The following SUMF1 variants were observed in gnomAD, a reference collection of about 807,000 sequenced individuals.
SUMF1 encodes formylglycine-generating enzyme.
Under a neutral mutation model 47.6 loss-of-function variants are expected in SUMF1, and 48 were observed. The observed-to-expected ratio is 1.01, with a 90% CI of 0.80 to 1.28. SUMF1 has a LOEUF of 1.28. Among genes scored for constraint, SUMF1 ranks in the 50% most tolerant of loss-of-function variants. The pLI is 0.00. For missense variants in SUMF1, 571 were observed against 485.4 expected (o/e 1.18, Z -1.66); for synonymous variants, 230 against 192.1 (o/e 1.20, Z -1.63).
At chr3:4,056,328 A>C (rs1390312322) in intron 9 of SUMF1, among the ~76,000 whole-genome samples, 1 of 152,168 alleles carries the variant, frequency 6.6e-6, no homozygotes, top group Non-Finnish European at 1.5e-5. Flanking sequence ...ACAGAAACTA[A>C]AAAGGTTCAT....
chr3:4,091,577 C>T (rs1400288422), intron 8 of SUMF1, among the ~76,000 whole-genome samples: 1 of 152,088 alleles, frequency 6.6e-6, no homozygotes, highest in African/African-American at 2.4e-5. Flanking sequence ...TGACAAAAAA[C>T]CTGTTGCAGC....
chr3:4,345,605 A>G (rs1699358089), intron 8 of SUMF1, among the ~76,000 whole-genome samples: 1 of 152,188 alleles, frequency 6.6e-6, no homozygotes, highest in African/African-American at 2.4e-5. Context: ...GACCAATGAC[A>G]CTACGAAGAA....
At chr3:4,374,716 TG>T (rs1700269776) in intron 8 of SUMF1, among the ~76,000 whole-genome samples, 1 of 152,174 alleles carries the variant, frequency 6.6e-6, no homozygotes, top group African/African-American at 2.4e-5. Flanking sequence ...CTGTTTTCCA[TG>T]GAAGTCTGGT....
chr3:4,199,201 T>C (rs1695491305), intron 8 of SUMF1, among the ~76,000 whole-genome samples: 1 of 152,164 alleles, frequency 6.6e-6, no homozygotes, highest in South Asian at 2.1e-4. Flanking sequence ...TCTGTCTCTA[T>C]AGTTCTGTCT....
At chr3:4,119,127 T>C (rs1174882843) in intron 8 of SUMF1, among the ~76,000 whole-genome samples, 2 of 152,086 alleles carry the variant, frequency 1.3e-5, no homozygotes, top group African/African-American at 2.4e-5. Flanking sequence ...CTAACAACCA[T>C]AAGGTCACTC....
Position 4,184,930 on chromosome 3 carries a change from G to C in SUMF1, c.1015-116185C>G, listed in dbSNP as rs139290711. On this transcript the variant is annotated intron_variant and NMD_transcript_variant, in intron 8 of 12. Coordinates refer to the SUMF1 transcript ENST00000448413. ...CTCCCAAAGAGCTAGGATTACAGGC[G>C]TGAGCCACCGCACCTGGCCTCCATA... 3.4e-3 allele frequency among the ~76,000 whole-genome samples: 513 copies of C among 152,126 alleles called. 4 individuals are homozygous for C. Among genetic ancestry groups the C allele is most frequent in the African/African-American group, 0.012 (481 of 41,520 alleles).
At chr3:4,090,890 G>T (rs1186434552) in intron 8 of SUMF1, among the ~76,000 whole-genome samples, 1 of 151,896 alleles carries the variant, frequency 6.6e-6, no homozygotes, top group Non-Finnish European at 1.5e-5. Flanking sequence ...TCCCATCCTG[G>T]CTAACACGGT....
chr3:4,201,038 GTA>G (rs1193513012), intron 8 of SUMF1, among the ~76,000 whole-genome samples: 1 of 151,702 alleles, frequency 6.6e-6, no homozygotes, highest in Non-Finnish European at 1.5e-5. Flanking sequence ...TATTTATAAG[GTA>G]TATGAGATAT....
chr3:4,401,480 C>A (rs1368167089), intron 7 of SUMF1, among the ~76,000 whole-genome samples: 1 of 152,092 alleles, frequency 6.6e-6, no homozygotes, highest in African/African-American at 2.4e-5. Context: ...GCTGCAGCCT[C>A]CATCACTGCC....
intron 8 of SUMF1, among the ~76,000 whole-genome samples, chr3:4,301,424 A>G (rs1697962412): frequency 6.6e-6 from 1 of 152,244 alleles, no homozygotes; most frequent in South Asian, 2.1e-4. Context: ...GAATCTAAGC[A>G]GCAAAATATA....
intron 8 of SUMF1, among the ~76,000 whole-genome samples, chr3:4,276,460 C>G (rs1221217605): frequency 6.6e-6 from 1 of 152,110 alleles, no homozygotes; most frequent in Non-Finnish European, 1.5e-5. Context: ...GTAGAAGTAG[C>G]CTTGTTTCCA....
At chr3:4,250,060 TG>T (rs1204961528) in intron 8 of SUMF1, among the ~76,000 whole-genome samples, 4 of 151,984 alleles carry the variant, frequency 2.6e-5, no homozygotes, top group African/African-American at 9.7e-5. Context: ...GGCACACACC[TG>T]TAATCCCAAC....
intron 3 of SUMF1, among the ~76,000 whole-genome samples, chr3:4,446,857 A>G (rs184577755): frequency 6.6e-5 from 10 of 152,366 alleles, no homozygotes; most frequent in Admixed American, 4.6e-4. Flanking sequence ...AGGGGAAGCA[A>G]CACAATGAAA....
intron 8 of SUMF1, among the ~76,000 whole-genome samples, chr3:4,088,254 C>A (rs571497539): frequency 6.6e-6 from 1 of 152,072 alleles, no homozygotes; most frequent in Non-Finnish European, 1.5e-5. Flanking sequence ...TCAGGTAAGA[C>A]CAGTCTGCTT....
Position 4,361,963 on chromosome 3 carries a change from C to A in SUMF1, c.*181G>T, listed in dbSNP as rs939342600. On this transcript the variant is annotated 3_prime_UTR_variant, in exon 9 of 9. Transcript: ENST00000272902. ...TCCAAAGATGCACCACACCATAAAG[C>A]ACATGCACTGACCCAGGTCAGCAAT... is the stretch of plus-strand genomic sequence containing the variant. 3 of 621,222 alleles carry A rather than the reference C, an allele frequency of 4.8e-6. No homozygotes were observed. Among genetic ancestry groups the A allele is most frequent in the Middle Eastern group, 4.3e-4 (1 of 2,324 alleles). 38.5% of individuals were successfully genotyped at this position (621,222 alleles called of 1,614,324 possible).
intron 8 of SUMF1, among the ~76,000 whole-genome samples, chr3:4,318,835 G>A (rs1194499257): frequency 6.7e-6 from 1 of 148,842 alleles, no homozygotes; most frequent in Non-Finnish European, 1.5e-5. Flanking sequence ...TTGAACCTGG[G>A]GTGGAGGTTA....
chr3:4,079,281 T>C (rs1692507139), intron 8 of SUMF1, among the ~76,000 whole-genome samples: 1 of 152,100 alleles, frequency 6.6e-6, no homozygotes, highest in Non-Finnish European at 1.5e-5. Context: ...ATCTTAGAGT[T>C]GGAAGGGTTT....
intron 8 of SUMF1, among the ~76,000 whole-genome samples, chr3:4,104,376 C>T (rs1362334471): frequency 6.6e-6 from 1 of 152,052 alleles, no homozygotes; most frequent in African/African-American, 2.4e-5. Flanking sequence ...TACCCTGTCT[C>T]AGGTATATCT....
chr3:4,415,833 G>A (rs1701693365), intron 6 of SUMF1, among the ~76,000 whole-genome samples: 1 of 151,948 alleles, frequency 6.6e-6, no homozygotes, highest in African/African-American at 2.4e-5. Context: ...AAATAAATAA[G>A]TAAATAAAAT....
Sources: gnomAD v4.1 joint callset for allele counts (sites outside exome capture counted in the v4.1 genomes callset) on GRCh38, gnomAD v4.1.1 for gene constraint, MANE v1.5 for transcripts, NCBI Gene and HGNC (gene_info 2026-07-23, HGNC 2026-07-21) for gene names.